ADPRS: variants seen among roughly 807,000 people sequenced by gnomAD.
The protein encoded by ADPRS is ADP-ribosylhydrolase ARH3.
In ADPRS, 25 loss-of-function variants were observed where a neutral mutation model predicts 32.1. The observed-to-expected ratio is 0.78, with a 90% CI of 0.57 to 1.09. The LOEUF (loss-of-function observed/expected upper bound fraction) is 1.09, where lower values mean the gene tolerates loss of function less well. Ranked by LOEUF, ADPRS falls within the 50% of genes least tolerant of loss-of-function variation. The pLI is 0.00. For synonymous variants in ADPRS, 225 were observed against 201.0 expected (o/e 1.12, Z -1.01); for missense variants, 482 against 480.6 (o/e 1.00, Z -0.03).
chr1:36,090,705 AG>A (rs1443949456), intron 1 of ADPRS, among the ~76,000 whole-genome samples: 2 of 147,232 alleles, frequency 1.4e-5, no homozygotes, highest in Non-Finnish European at 3.0e-5. Context: ...AAAAAAAAAA[AG>A]CCAGGCGCAG....
At chr1:36,092,294 CTT>C in intron 4 of ADPRS, 126 bp from the exon 5 acceptor site, 2 of 1,164,406 alleles carry the variant, frequency 1.7e-6, no homozygotes, top group Admixed American at 4.9e-5. Flanking sequence ...TCTCCCACCT[CTT>C]GTCGGCACCT....
At chr1:36,092,246 G>C (rs1294755507) in intron 4 of ADPRS, 152 bp downstream of exon 4, 1 of 1,273,406 alleles carries the variant, frequency 7.9e-7, no homozygotes, top group African/African-American at 1.5e-5. Context: ...AAGGCTCTCA[G>C]GGTCCCAGAG....
At chr1:36,091,528 C>G in intron 2 of ADPRS, 90 bp from the exon 3 acceptor site, 1 of 1,369,014 alleles carries the variant, frequency 7.3e-7, no homozygotes, top group Non-Finnish European at 1.0e-6. Context: ...CCGAGGCTTT[C>G]TCTTTTTCCA....
chr1:36,090,679 CAAAAAA>C (rs10625386), intron 1 of ADPRS, among the ~76,000 whole-genome samples: 7 of 65,358 alleles, frequency 1.1e-4, no homozygotes, highest in Admixed American at 8.3e-4. Context: ...TCCATCTCTA[CAAAAAA>C]AAAAAAAAAA....
intron 4 of ADPRS, 100 bp downstream of exon 4, chr1:36,092,194 A>AG: frequency 1.4e-6 from 2 of 1,456,372 alleles, no homozygotes; most frequent in East Asian, 2.4e-5. Context: ...TGCAGACCCT[A>AG]GGGAGGCATG....
chr1:36,092,798 G>C (rs1032173963), intron 5 of ADPRS, among the ~76,000 whole-genome samples: 1 of 152,240 alleles, frequency 6.6e-6, no homozygotes, highest in Non-Finnish European at 1.5e-5. Context: ...GCGTTGTGCA[G>C]AATGCTTCAC....
At chr1:36,092,970 C>A in intron 5 of ADPRS, 127 bp from the exon 6 acceptor site, 1 of 969,856 alleles carries the variant, frequency 1.0e-6, no homozygotes, top group Non-Finnish European at 1.5e-6. Context: ...GGATTTGAGC[C>A]CAGGTGGTCT....
Position 36,093,471 on chromosome 1 carries a change from G to C in ADPRS, c.*85G>C. ...AGAAACCCTGCGCTTCCTTGAGTGT[G>C]GCTTCCCACTTTTCCTGCATTGTGG... On this transcript the variant is annotated 3_prime_UTR_variant, in exon 6 of 6. Transcript: ENST00000373178. The C allele has an allele frequency of 6.6e-7, 1 of 1,517,410 alleles. No homozygotes were observed. Among genetic ancestry groups the C allele is most frequent in the South Asian group, 1.3e-5 (1 of 77,800 alleles). The allele number at this position is 1,517,410 out of a possible 1,614,324, so 94.0% of individuals were successfully genotyped here.
At chr1:36,092,372 G>C in intron 4 of ADPRS, 50 bp from the exon 5 acceptor site, 1 of 1,574,762 alleles carries the variant, frequency 6.4e-7, no homozygotes, top group Non-Finnish European at 8.7e-7. Flanking sequence ...CCCTGCCCGC[G>C]CCACCACCCT....
In ADPRS at chr1:36,092,498, A is replaced by G. The variant is rs776476743; in HGVS notation, c.778A>G (p.Arg260Gly). The change falls in exon 5 of 6, where the codon AGG (arginine) becomes GGG (glycine). Residue 260 changes from arginine (R) to glycine (G), a missense_variant. By Grantham distance (125) the Arg-to-Gly change is moderately radical. Coordinates refer to ENST00000373178, the MANE Select transcript of ADPRS (RefSeq NM_017825.3). The part of the protein sequence containing the change: ...GELLDQASVT[R>G]EEVVSELGNG... The stretch of plus-strand genomic sequence containing the variant: ...GCTTCTAGACCAGGCATCGGTGACC[A>G]GGGAGGAAGTGGTGTCTGAGCTAGG... The G allele has an allele frequency of 7.4e-6, 12 of 1,614,194 alleles. No homozygotes were observed. The highest frequency in any genetic ancestry group is 1.0e-5 in the Non-Finnish European group (12 of 1,180,028).
chr1:36,091,191 C>T, intron 1 of ADPRS, 53 bp from the exon 2 acceptor site: 1 of 1,519,610 alleles, frequency 6.6e-7, no homozygotes, highest in Non-Finnish European at 9.1e-7. Flanking sequence ...AAAACAACAA[C>T]AAAAAAAACA....
At chr1:36,090,280 C>T (rs1643461498) in intron 1 of ADPRS, among the ~76,000 whole-genome samples, 1 of 151,946 alleles carries the variant, frequency 6.6e-6, no homozygotes, top group South Asian at 2.1e-4. Flanking sequence ...GGCAACATGG[C>T]AAGATCCTGT....
At chr1:36,092,174 C>A in intron 4 of ADPRS, 80 bp downstream of exon 4, 3 of 1,507,828 alleles carry the variant, frequency 2.0e-6, no homozygotes. Context: ...AACTGTAAAC[C>A]TTCCTCAATT....
At chr1:36,092,328 C>G in intron 4 of ADPRS, 94 bp from the exon 5 acceptor site, 1 of 1,325,282 alleles carries the variant, frequency 7.5e-7, no homozygotes, top group Non-Finnish European at 1.1e-6. Context: ...CCAGCCTGAC[C>G]ACATCCCTGC....
intron 2 of ADPRS, 34 bp downstream of exon 2, chr1:36,091,374 G>A: frequency 6.2e-7 from 1 of 1,600,052 alleles, no homozygotes; most frequent in African/African-American, 1.3e-5. Flanking sequence ...AGGCAAACCA[G>A]GTGGGAAAGT....
At chr1:36,089,717 G>T (rs1643453400) in intron 1 of ADPRS, among the ~76,000 whole-genome samples, 1 of 152,134 alleles carries the variant, frequency 6.6e-6, no homozygotes, top group Admixed American at 6.5e-5. Context: ...TCCTTAACGT[G>T]TCCGACGTGG....
Position 36,093,502 on chromosome 1 carries a change from A to G in ADPRS, c.*116A>G. On this transcript the variant is annotated 3_prime_UTR_variant, in exon 6 of 6. Coordinates refer to ENST00000373178, the MANE Select transcript of ADPRS (RefSeq NM_017825.3). Reference sequence around the variant, plus strand: ...CCACTTTTCCTGCATTGTGGAGCTGACTGAGTACACCGGTGAGGCTGGGGT... The same window carrying G: ...CCACTTTTCCTGCATTGTGGAGCTGGCTGAGTACACCGGTGAGGCTGGGGT... 1 of 1,364,750 alleles carries G rather than the reference A, an allele frequency of 7.3e-7. No homozygotes were observed. The highest frequency in any genetic ancestry group is 1.4e-5 in the South Asian group (1 of 71,494). The allele number at this position is 1,364,750 out of a possible 1,614,324, so 84.5% of individuals were successfully genotyped here.
At position 36,088,942 on chromosome 1, in the gene ADPRS, G is replaced by T. The variant is rs1214934061; in HGVS notation, c.38G>T (p.Gly13Val). 2.6e-6 allele frequency: 4 copies of T among 1,519,884 alleles called. No individual in the cohort carries two copies. Among genetic ancestry groups the T allele is most frequent in the Non-Finnish European group, 3.5e-6 (4 of 1,139,130 alleles). The allele number at this position is 1,519,884 out of a possible 1,614,324, so 94.1% of individuals were successfully genotyped here. Residue 13 changes from glycine (G) to valine (V), a missense_variant, in exon 1 of 6, where the codon GGG (glycine) becomes GTG (valine). Transcript: ENST00000373178. ...AAAMAAAAGG[G>V]AGAARSLSRF... Reference sequence around the variant, plus strand: ...GCGATGGCGGCAGCGGCAGGTGGAGGGGCTGGCGCGGCCCGCTCCCTCTCG... The same window carrying T: ...GCGATGGCGGCAGCGGCAGGTGGAGTGGCTGGCGCGGCCCGCTCCCTCTCG...
rs1480005396 is a variant in ADPRS, at chr1:36,093,109, C to T, written c.815C>T (p.Ala272Val). 1 of 1,613,662 alleles carries T rather than the reference C, an allele frequency of 6.2e-7. No homozygotes were observed. The highest frequency in any genetic ancestry group is 1.7e-5 in the Admixed American group (1 of 60,020). The part of the protein sequence containing the change: ...EVVSELGNGI[A>V]AFESVPTAIY... The stretch of plus-strand genomic sequence containing the variant: ...GGCTTCCCCACAGGGAATGGCATTG[C>T]TGCCTTTGAGTCGGTACCCACCGCC... Residue 272 changes from alanine to valine, a missense_variant, in exon 6 of 6, where the codon GCT (alanine) becomes GTT (valine). Coordinates refer to ENST00000373178, the MANE Select transcript of ADPRS (RefSeq NM_017825.3).
Sources: allele counts gnomAD v4.1 joint callset (sites outside exome capture counted in the v4.1 genomes callset), GRCh38; gene constraint gnomAD v4.1.1; transcripts MANE v1.5; gene names NCBI Gene and HGNC (gene_info 2026-07-23, HGNC 2026-07-21).